Variants in PPP1R9A observed in about 807,000 individuals in gnomAD.
PPP1R9A encodes the protein protein phosphatase 1 regulatory subunit 9A.
Under a neutral mutation model 141.9 loss-of-function variants are expected in PPP1R9A, and 59 were observed. That is an observed-to-expected ratio of 0.42 (90% CI 0.34 to 0.52). The LOEUF is 0.52. Ranked by LOEUF, PPP1R9A falls within the 20% of genes least tolerant of loss-of-function variation. The pLI is 0.10. For missense variants in PPP1R9A, 1,444 were observed against 1,611.9 expected, an observed-to-expected ratio of 0.90 and a Z score of 1.78; for synonymous variants, 500 against 569.7, an observed-to-expected ratio of 0.88 and a Z score of 1.74.
At chr7:95,039,504 G>C (rs1299137530) in intron 2 of PPP1R9A, among the ~76,000 whole-genome samples, 1 of 151,414 alleles carries the variant, frequency 6.6e-6, no homozygotes, top group Non-Finnish European at 1.5e-5. Flanking sequence ...GTTGCAGTGA[G>C]CCAAGATCAT....
rs988506525 is a variant in PPP1R9A at position 95,294,832 on chromosome 7, G to A, written c.*4529G>A. On this transcript the variant is annotated 3_prime_UTR_variant, in exon 20 of 20. Coordinates refer to ENST00000433360, the MANE Select transcript of PPP1R9A (RefSeq NM_001166160.2). ...GAGGGTCCTTATTTGCTTGTCCGTG[G>A]TGTCTATGTGGGCCTATTGAGGGAA... The A allele has an allele frequency of 6.6e-6, 1 of 152,210 alleles. No homozygotes were observed. Among genetic ancestry groups the A allele is most frequent in the African/African-American group, 2.4e-5 (1 of 41,408 alleles). 9.4% of individuals were successfully genotyped at this position (152,210 alleles called of 1,614,324 possible).
At chr7:95,155,826 A>G (rs73431024) in intron 4 of PPP1R9A, 66 of 152,374 alleles carry the variant, frequency 4.3e-4, no homozygotes, top group African/African-American at 1.5e-3. Flanking sequence ...GCTAAGTTAC[A>G]TACAATCTAT....
rs576441856 is a variant in PPP1R9A, at chr7:95,295,228, G to C, written c.*4925G>C. 1 of 152,526 alleles carries C rather than the reference G, an allele frequency of 6.6e-6. No homozygotes were observed. The highest frequency in any genetic ancestry group is 6.5e-5 in the Admixed American group (1 of 15,272). The allele number at this position is 152,526 out of a possible 1,614,324, so 9.4% of individuals were successfully genotyped here. Reference sequence around the variant, plus strand: ...TCATAGCCTTATTGCCACTTCTTGCGTTGTGTATACATTGAATGGCTCATA... The same window carrying C: ...TCATAGCCTTATTGCCACTTCTTGCCTTGTGTATACATTGAATGGCTCATA... On this transcript the variant is annotated 3_prime_UTR_variant, in exon 20 of 20. Transcript: ENST00000433360.
At chr7:95,278,846 G>C (rs536913830) in intron 16 of PPP1R9A, among the ~76,000 whole-genome samples, 22 of 152,176 alleles carry the variant, frequency 1.4e-4, no homozygotes, top group African/African-American at 5.1e-4. Context: ...TCCCAACTCT[G>C]CCACTTACTT....
chr7:95,237,161 A>ATG (rs1796801170), intron 8 of PPP1R9A, among the ~76,000 whole-genome samples: 3 of 141,734 alleles, frequency 2.1e-5, no homozygotes, highest in Non-Finnish European at 4.6e-5. Flanking sequence ...ATGTGTGTGT[A>ATG]TGTGTATATA....
chr7:95,043,376 G>A (rs1450179480), intron 2 of PPP1R9A, among the ~76,000 whole-genome samples: 1 of 152,202 alleles, frequency 6.6e-6, no homozygotes, highest in African/African-American at 2.4e-5. Context: ...ATTTTGGACA[G>A]TAATAACATA....
intron 2 of PPP1R9A, among the ~76,000 whole-genome samples, chr7:94,967,045 G>A (rs907371538): frequency 1.3e-5 from 2 of 152,156 alleles, no homozygotes; most frequent in African/African-American, 4.8e-5. Context: ...AGACTTGGGA[G>A]AGTGTATATG....
At chr7:95,153,091 T>C (rs140447567) in intron 4 of PPP1R9A, among the ~76,000 whole-genome samples, 1,569 of 152,106 alleles carry the variant, frequency 0.01, 25 homozygotes, top group African/African-American at 0.036. Context: ...CTCAAATGAT[T>C]CACTCACCTC....
At position 94,971,952 on chromosome 7, in the gene PPP1R9A, G is replaced by A. The variant is rs149074287; in HGVS notation, c.1395+60444G>A. Among the ~76,000 whole-genome samples the A allele has an allele frequency of 1.0e-3, 157 of 152,110 alleles. 2 individuals carry two copies. The highest frequency in any genetic ancestry group is 9.7e-4 in the Non-Finnish European group (66 of 67,988). ...GATTTAAAGCTTTGTGTTGAAGAAGGCTTCCATCATTACAAACTCTCCTTA... is the reference window on the plus strand; with the variant it reads ...GATTTAAAGCTTTGTGTTGAAGAAGACTTCCATCATTACAAACTCTCCTTA... On this transcript the variant is annotated intron_variant, in intron 2 of 19. Transcript: ENST00000433360.
intron 2 of PPP1R9A, among the ~76,000 whole-genome samples, chr7:94,981,302 C>T (rs943079767): frequency 5.9e-5 from 9 of 152,156 alleles, no homozygotes; most frequent in Non-Finnish European, 4.4e-5. Flanking sequence ...GGCAAGATCT[C>T]GATCTCGGCT....
chr7:95,244,759 G>A (rs755607403), intron 8 of PPP1R9A, among the ~76,000 whole-genome samples: 1 of 152,096 alleles, frequency 6.6e-6, no homozygotes, highest in African/African-American at 2.4e-5. Context: ...TGAAGCTGGG[G>A]TAATCATATT....
intron 2 of PPP1R9A, among the ~76,000 whole-genome samples, chr7:95,023,466 T>C (rs1021000690): frequency 1.3e-5 from 2 of 152,140 alleles, no homozygotes; most frequent in African/African-American, 2.4e-5. Context: ...TTTTCATGTC[T>C]CTATCTCCTT....
chr7:95,203,573 G>A (rs1790050544), intron 6 of PPP1R9A, 92 bp from the exon 7 acceptor site: 3 of 908,150 alleles, frequency 3.3e-6, no homozygotes, highest in Admixed American at 2.4e-5. Flanking sequence ...ATTACAGTAA[G>A]CACTGGGACT....
At chr7:95,197,741 C>T (rs1424528370) in intron 5 of PPP1R9A, among the ~76,000 whole-genome samples, 1 of 152,092 alleles carries the variant, frequency 6.6e-6, no homozygotes, top group Non-Finnish European at 1.5e-5. Flanking sequence ...CTCCGCCTCT[C>T]GGATTCAAAC....
Position 95,181,660 on chromosome 7 carries a change from T to C in PPP1R9A, c.1755-16689T>C, listed in dbSNP as rs149715873. On this transcript the variant is annotated intron_variant, in intron 5 of 19. Coordinates refer to ENST00000433360, the MANE Select transcript of PPP1R9A (RefSeq NM_001166160.2). ...TATAGAATATATATATTCCGTCACA[T>C]ATATATAGAATATATATATATTCCG... Among the ~76,000 whole-genome samples, 1,017 of 134,732 alleles carry C rather than the reference T, an allele frequency of 7.5e-3. 10 individuals are homozygous for C. Among genetic ancestry groups the C allele is most frequent in the African/African-American group, 0.026 (935 of 35,558 alleles). The allele number at this position is 134,732 out of a possible 152,430, so 88.4% of individuals were successfully genotyped here. A position where few individuals can be genotyped will look rare whatever the true frequency, so the allele number is the denominator to read the frequency against.
intron 2 of PPP1R9A, among the ~76,000 whole-genome samples, chr7:95,079,462 AAAAGAGTCCAGGACCAGATGG>A (rs1382338417): frequency 6.6e-6 from 1 of 152,012 alleles, no homozygotes; most frequent in Non-Finnish European, 1.5e-5. Context: ...TTACCAACCA[AAAAGAGTCCAGGACCAGATGG>A]ATTCACAGCC....
intron 5 of PPP1R9A, among the ~76,000 whole-genome samples, chr7:95,189,725 C>T (rs367581316): frequency 6.6e-6 from 1 of 151,972 alleles, no homozygotes; most frequent in East Asian, 1.9e-4. Flanking sequence ...CGTGAGCCAC[C>T]GCGCCCGGCC....
At chr7:95,177,516 T>C (rs1833073893) in intron 5 of PPP1R9A, among the ~76,000 whole-genome samples, 1 of 152,060 alleles carries the variant, frequency 6.6e-6, no homozygotes, top group Admixed American at 6.6e-5. Context: ...ACGTATGGAA[T>C]GGTACCTCAC....
chr7:94,985,034 CT>C (rs1340321691), intron 2 of PPP1R9A, among the ~76,000 whole-genome samples: 1 of 152,094 alleles, frequency 6.6e-6, no homozygotes, highest in Non-Finnish European at 1.5e-5. Flanking sequence ...TATGTTGTGT[CT>C]TCGTTCTCAT....
Sources: allele counts gnomAD v4.1 joint callset (sites outside exome capture counted in the v4.1 genomes callset), GRCh38; gene constraint gnomAD v4.1.1; transcripts MANE v1.5; gene names NCBI Gene and HGNC (gene_info 2026-07-23, HGNC 2026-07-21).